The following AHI1 variants were observed in gnomAD, a reference collection of about 807,000 sequenced individuals.
The protein encoded by AHI1 is jouberin.
In AHI1, 123 loss-of-function variants were observed where a neutral mutation model predicts 149.3. The observed-to-expected ratio is 0.82, with a 90% CI of 0.71 to 0.96. AHI1 has a LOEUF of 0.96. Among genes scored for constraint, AHI1 ranks in the 40% least tolerant of loss-of-function variants. The probability of loss-of-function intolerance (pLI) is 0.00; values close to 1 mark genes in which losing one functional copy is unlikely to be tolerated. For missense variants in AHI1, 1,439 were observed against 1,422.7 expected, an observed-to-expected ratio of 1.01 and a Z score of -0.18; for synonymous variants, 475 against 459.8, an observed-to-expected ratio of 1.03 and a Z score of -0.42.
intron 27 of AHI1, among the ~76,000 whole-genome samples, chr6:135,298,780 T>A (rs1783482856): frequency 6.6e-6 from 1 of 152,228 alleles, no homozygotes; most frequent in Non-Finnish European, 1.5e-5. Flanking sequence ...GAGATGTTTG[T>A]GAGGTTTTAT....
intron 24 of AHI1, among the ~76,000 whole-genome samples, chr6:135,334,404 A>G (rs1026204594): frequency 6.6e-6 from 1 of 152,294 alleles, no homozygotes; most frequent in East Asian, 1.9e-4. Context: ...AGCCCTCATC[A>G]GACATCAAAT....
intron 14 of AHI1, 148 bp downstream of exon 14, chr6:135,442,434 A>G (rs535278279): frequency 7.2e-5 from 60 of 828,332 alleles, no homozygotes; most frequent in Non-Finnish European, 9.0e-5. Flanking sequence ...TTATTACAAA[A>G]GAACTTTCTT....
intron 27 of AHI1, among the ~76,000 whole-genome samples, chr6:135,290,869 G>A (rs1196925637): frequency 6.7e-6 from 1 of 149,970 alleles, no homozygotes. Context: ...TAGATGCCTG[G>A]GAAAAATCAG....
chr6:135,338,244 G>A (rs1461368441), intron 24 of AHI1, among the ~76,000 whole-genome samples: 1 of 146,680 alleles, frequency 6.8e-6, no homozygotes, highest in Non-Finnish European at 1.5e-5. Context: ...AGGTTGCAGT[G>A]AGCTGAGATC....
At chr6:135,394,661 TC>T (rs957404962) in intron 23 of AHI1, 114 bp downstream of exon 23, 17 of 1,373,870 alleles carry the variant, frequency 1.2e-5, no homozygotes, top group Non-Finnish European at 1.6e-5. Flanking sequence ...ATATAATTTG[TC>T]AAGTGTAAAA....
intron 27 of AHI1, among the ~76,000 whole-genome samples, chr6:135,292,888 C>T (rs1239924984): frequency 6.6e-6 from 1 of 152,172 alleles, no homozygotes; most frequent in African/African-American, 2.4e-5. Context: ...TACTTCCCAA[C>T]TTGTTCCATG....
intron 17 of AHI1, 90 bp downstream of exon 17, chr6:135,431,118 G>A: frequency 1.3e-6 from 1 of 774,108 alleles, no homozygotes; most frequent in Non-Finnish European, 2.0e-6. Context: ...TGAGAGAACA[G>A]AATGTCCTGA....
At chr6:135,473,669 TTATATTCA>T (rs973804748) in intron 5 of AHI1, among the ~76,000 whole-genome samples, 6 of 152,292 alleles carry the variant, frequency 3.9e-5, no homozygotes, top group Admixed American at 3.3e-4. Context: ...ACTTAGGTCT[TTATATTCA>T]GCACTTTGAG....
chr6:135,415,321 A>G (rs1156546080), intron 20 of AHI1, among the ~76,000 whole-genome samples: 2 of 152,116 alleles, frequency 1.3e-5, no homozygotes, highest in Non-Finnish European at 2.9e-5. Flanking sequence ...TCCTTTGGGT[A>G]TATACCCAGT....
At chr6:135,373,903 G>A (rs530809644) in intron 23 of AHI1, among the ~76,000 whole-genome samples, 114 of 151,702 alleles carry the variant, frequency 7.5e-4, no homozygotes, top group Non-Finnish European at 1.3e-3. Flanking sequence ...TACTTGTTTC[G>A]GGCAATATGA....
At chr6:135,494,912 G>T (rs371772618) in intron 3 of AHI1, among the ~76,000 whole-genome samples, 5 of 152,306 alleles carry the variant, frequency 3.3e-5, no homozygotes, top group East Asian at 1.9e-4. Flanking sequence ...AGGTTTTGAA[G>T]AAAGTCCACT....
intron 6 of AHI1, among the ~76,000 whole-genome samples, chr6:135,467,055 T>C (rs1040376143): frequency 6.6e-6 from 1 of 152,122 alleles, no homozygotes; most frequent in Admixed American, 6.5e-5. Context: ...ATCGAGGAGC[T>C]GGGATGAACA....
At chr6:135,447,882 C>G (rs1359170989) in intron 12 of AHI1, among the ~76,000 whole-genome samples, 1 of 152,144 alleles carries the variant, frequency 6.6e-6, no homozygotes, top group African/African-American at 2.4e-5. Context: ...TTTATTGGAA[C>G]ACATCACACC....
chr6:135,349,295 T>C (rs915714152), intron 24 of AHI1, among the ~76,000 whole-genome samples: 1 of 152,136 alleles, frequency 6.6e-6, no homozygotes, highest in African/African-American at 2.4e-5. Flanking sequence ...TTTCTTATAT[T>C]AGAAAAAATA....
chr6:135,363,675 G>A (rs1231616887), intron 23 of AHI1, among the ~76,000 whole-genome samples: 562 of 150,188 alleles, frequency 3.7e-3, no homozygotes, highest in African/African-American at 0.013. Flanking sequence ...GCCGGGCGGG[G>A]GGCTGACCCC....
At chr6:135,312,240 C>T (rs758727699) in intron 26 of AHI1, among the ~76,000 whole-genome samples, 14 of 152,156 alleles carry the variant, frequency 9.2e-5, no homozygotes, top group South Asian at 6.2e-4. Flanking sequence ...GGGCTGGGCA[C>T]GGTGGCTCAT....
chr6:135,357,157 T>G (rs566845732), intron 24 of AHI1, among the ~76,000 whole-genome samples: 1 of 152,364 alleles, frequency 6.6e-6, no homozygotes, highest in Admixed American at 6.5e-5. Context: ...CAGGATGGTC[T>G]CAATCTCCTG....
At chr6:135,383,661 A>G (rs936539567) in intron 23 of AHI1, among the ~76,000 whole-genome samples, 2 of 152,054 alleles carry the variant, frequency 1.3e-5, no homozygotes, top group African/African-American at 2.4e-5. Flanking sequence ...TTATAGAAAA[A>G]CCTATTTTAA....
At chr6:135,356,588 C>T (rs183803935) in intron 24 of AHI1, among the ~76,000 whole-genome samples, 3 of 152,194 alleles carry the variant, frequency 2.0e-5, no homozygotes, top group Admixed American at 6.5e-5. Context: ...AATCCTTCCT[C>T]AGAAAAATAC....
Sources: gnomAD v4.1 joint callset for allele counts (sites outside exome capture counted in the v4.1 genomes callset) on GRCh38, gnomAD v4.1.1 for gene constraint, MANE v1.5 for transcripts, NCBI Gene and HGNC (gene_info 2026-07-23, HGNC 2026-07-21) for gene names.